Variants in NCOA1 observed in about 807,000 individuals in gnomAD.
The protein encoded by NCOA1 is Hin-2 protein.
NCOA1 carries 35 observed loss-of-function variants against 150.9 expected under a neutral mutation model. The observed-to-expected ratio is 0.23, with a 90% CI of 0.18 to 0.31. The LOEUF (loss-of-function observed/expected upper bound fraction) is 0.31. Among genes scored for constraint, NCOA1 ranks in the 10% least tolerant of loss-of-function variants. The pLI is 1.00. For synonymous variants in NCOA1, 590 were observed against 630.0 expected (o/e 0.94, Z 0.95); for missense variants, 1,491 against 1,749.3 (o/e 0.85, Z 2.63).
rs549824753 is a variant in NCOA1, at chr2:24,734,863, A to AG, written c.3202-4568dup. On this transcript the variant is annotated intron_variant, in intron 17 of 22. Transcript: ENST00000348332. ...TGAGGATAAATAGTTCTACCATAATAGAGTTCTACATAATAGACGGTTCTG... is the reference window on the plus strand; with the variant it reads ...TGAGGATAAATAGTTCTACCATAATAGGAGTTCTACATAATAGACGGTTCTG... Among the ~76,000 whole-genome samples, 464 of 152,318 alleles carry AG rather than the reference A, an allele frequency of 3.0e-3. 1 individual carries two copies. The highest frequency in any genetic ancestry group is 5.4e-3 in the Non-Finnish European group (366 of 68,018).
At chr2:24,593,635 C>G (rs1361119908) in intron 3 of NCOA1, among the ~76,000 whole-genome samples, 1 of 152,004 alleles carries the variant, frequency 6.6e-6, no homozygotes, top group African/African-American at 2.4e-5. Context: ...TGGAAATGAC[C>G]TTGGAGATCA....
intron 3 of NCOA1, among the ~76,000 whole-genome samples, chr2:24,602,015 A>G (rs1315902029): frequency 6.6e-6 from 1 of 152,166 alleles, no homozygotes; most frequent in African/African-American, 2.4e-5. Flanking sequence ...TAGAATTATT[A>G]TGCCTTCACC....
At chr2:24,663,848 T>G (rs1347600232) in intron 5 of NCOA1, among the ~76,000 whole-genome samples, 2 of 152,216 alleles carry the variant, frequency 1.3e-5, no homozygotes, top group Non-Finnish European at 2.9e-5. Flanking sequence ...CTGCGTGTCC[T>G]GCCTGTTCTA....
chr2:24,491,633 C>G (rs1239415670), intron 1 of NCOA1, among the ~76,000 whole-genome samples, 31 bp downstream of exon 1: 2 of 150,040 alleles, frequency 1.3e-5, no homozygotes, highest in Non-Finnish European at 3.0e-5. Context: ...GCGGAGCCTC[C>G]CGGTGGGTGC....
Position 24,683,116 on chromosome 2 carries a change from C to A in NCOA1, c.520C>A (p.Pro174Thr). The A allele has an allele frequency of 1.3e-6, 2 of 1,563,518 alleles. No individual in the cohort carries two copies. The highest frequency in any genetic ancestry group is 1.7e-6 in the Non-Finnish European group (2 of 1,160,826). Residue 174 changes from proline (P) to threonine (T), a missense_variant, in exon 8 of 23, where the codon CCA (proline) becomes ACA (threonine). Transcript: ENST00000348332. ...TGCAGAATTTGTGAAGAATCTGCTA[C>A]CAAAATCACTAGGTAAACAGAAATG... ...DHAEFVKNLL[P>T]KSLVNGVPWP...
rs187549569 is a variant in NCOA1 at position 24,580,187 on chromosome 2, G to A, written c.-259-4289G>A. ...ACACTTTCTGTGTCTTTAGCTTTCA[G>A]AAGTTTAACTATGATATGCTTTAAT... On this transcript the variant is annotated intron_variant, in intron 2 of 22. Transcript: ENST00000348332. Among the ~76,000 whole-genome samples, 15 of 152,258 alleles carry A rather than the reference G, an allele frequency of 9.9e-5. No homozygotes were observed. In the East Asian group the frequency reaches 2.9e-3, roughly 29 times the overall value.
intron 7 of NCOA1, among the ~76,000 whole-genome samples, chr2:24,680,244 T>C (rs1043783162): frequency 1.3e-5 from 2 of 152,264 alleles, no homozygotes; most frequent in Non-Finnish European, 2.9e-5. Context: ...CTTCCCATAA[T>C]AGATGTTCTC....
chr2:24,707,222 TAAC>T lies in NCOA1; in HGVS notation c.1755_1757del (p.Asn585del), dbSNP rs1189534752. ...AACCAGCAAAAGCTGAGTCCAAAGA[TAAC>T]AAAGAGATTGCCTCAATTTTAAATG... On this transcript the variant is annotated inframe_deletion, in exon 13 of 23. Coordinates refer to ENST00000348332, the MANE Select transcript of NCOA1 (RefSeq NM_003743.5). The T allele has an allele frequency of 2.5e-6, 4 of 1,614,140 alleles. No individual in the cohort carries two copies. Among genetic ancestry groups the T allele is most frequent in the Non-Finnish European group, 3.4e-6 (4 of 1,180,016 alleles).
At chr2:24,631,292 C>T (rs1014126068) in intron 3 of NCOA1, among the ~76,000 whole-genome samples, 2 of 152,118 alleles carry the variant, frequency 1.3e-5, no homozygotes, top group African/African-American at 4.8e-5. Flanking sequence ...AACTATGAGT[C>T]CCAGAACACT....
chr2:24,589,102 C>T (rs1667538183), intron 3 of NCOA1, among the ~76,000 whole-genome samples: 2 of 152,164 alleles, frequency 1.3e-5, no homozygotes, highest in Admixed American at 6.5e-5. Flanking sequence ...AGAATCTAGA[C>T]TTATGGGTTG....
intron 3 of NCOA1, among the ~76,000 whole-genome samples, chr2:24,631,157 T>C (rs1240552420): frequency 6.6e-6 from 1 of 152,150 alleles, no homozygotes; most frequent in African/African-American, 2.4e-5. Context: ...TGGGGTAAAA[T>C]TAACAAGTAT....
At chr2:24,633,571 A>G (rs1194960153) in intron 3 of NCOA1, among the ~76,000 whole-genome samples, 1 of 152,228 alleles carries the variant, frequency 6.6e-6, no homozygotes, top group Non-Finnish European at 1.5e-5. Context: ...TCATTTAAAG[A>G]ATAGGAAATA....
At chr2:24,506,124 G>A (rs530558662) in intron 1 of NCOA1, among the ~76,000 whole-genome samples, 1 of 152,054 alleles carries the variant, frequency 6.6e-6, no homozygotes, top group African/African-American at 2.4e-5. Flanking sequence ...TGGTTTGCAA[G>A]TGTTCCTGTT....
chr2:24,603,981 T>C (rs979268327), intron 3 of NCOA1, among the ~76,000 whole-genome samples: 13 of 152,248 alleles, frequency 8.5e-5, no homozygotes, highest in Admixed American at 3.3e-4. Flanking sequence ...TTAAAATTAC[T>C]CATTGATCCA....
intron 2 of NCOA1, among the ~76,000 whole-genome samples, chr2:24,582,284 A>G (rs369996765): frequency 2.0e-5 from 3 of 152,218 alleles, no homozygotes; most frequent in African/African-American, 7.2e-5. Context: ...CAAAATCAAC[A>G]TACAAAAATC....
At chr2:24,753,536 A>G (rs536659729) in intron 20 of NCOA1, among the ~76,000 whole-genome samples, 2 of 152,330 alleles carry the variant, frequency 1.3e-5, no homozygotes, top group South Asian at 4.1e-4. Context: ...GTCCCTGTCA[A>G]GATAGTTAAA....
chr2:24,631,633 T>C (rs771951386), intron 3 of NCOA1, among the ~76,000 whole-genome samples: 2 of 152,160 alleles, frequency 1.3e-5, no homozygotes, highest in Non-Finnish European at 2.9e-5. Flanking sequence ...AGAGGGAACA[T>C]TAAGCCACAA....
Position 24,706,985 on chromosome 2 carries a change from C to T in NCOA1, c.1515C>T (p.Asn505=). The T allele has an allele frequency of 1.9e-6, 3 of 1,614,196 alleles. No individual in the cohort carries two copies. The highest frequency in any genetic ancestry group is 1.7e-6 in the Non-Finnish European group (2 of 1,180,026). The change falls in exon 13 of 23, where the codon AAC becomes AAT. Residue 505 remains asparagine (N), a synonymous_variant. Coordinates refer to ENST00000348332, the MANE Select transcript of NCOA1 (RefSeq NM_003743.5). ...TGGCAACAAGGCCCAGGATGCCAAA[C>T]AATTCCTTTCCTCCTAATATTTCGA... is the stretch of plus-strand genomic sequence containing the variant. ...SGLATRPRMP[N]NSFPPNISTL... is the part of the protein sequence containing the mutation.
intron 14 of NCOA1, among the ~76,000 whole-genome samples, chr2:24,723,078 C>A (rs1426857109): frequency 2.6e-5 from 4 of 151,068 alleles, no homozygotes; most frequent in African/African-American, 4.9e-5. Context: ...AAGATATTCA[C>A]GGTTCAACAT....
Sources: allele counts gnomAD v4.1 joint callset (sites outside exome capture counted in the v4.1 genomes callset), GRCh38; gene constraint gnomAD v4.1.1; transcripts MANE v1.5; gene names NCBI Gene and HGNC (gene_info 2026-07-23, HGNC 2026-07-21).